The following BSN variants were observed in gnomAD, a reference collection of about 807,000 sequenced individuals.
BSN encodes bassoon presynaptic cytomatrix protein.
A neutral mutation model predicts 264.8 loss-of-function variants in BSN; 57 were observed. The ratio of observed to expected loss-of-function variants is 0.22; its 90% CI spans 0.17 to 0.27. The LOEUF (loss-of-function observed/expected upper bound fraction) is 0.27, where lower values mean the gene tolerates loss of function less well. Among genes scored for constraint, BSN ranks in the 10% least tolerant of loss-of-function variants. The probability of loss-of-function intolerance (pLI) is 1.00; values close to 1 mark genes in which losing one functional copy is unlikely to be tolerated. For missense variants in BSN, 4,615 were observed against 5,232.5 expected, an observed-to-expected ratio of 0.88 and a Z score of 3.64; for synonymous variants, 2,059 against 2,137.3, an observed-to-expected ratio of 0.96 and a Z score of 1.01.
Position 49,642,251 on chromosome 3 carries a change from T to G in BSN, c.634-17T>G. On this transcript the variant is annotated splice_polypyrimidine_tract_variant and intron_variant, in intron 2 of 11. Coordinates refer to ENST00000296452, the MANE Select transcript of BSN (RefSeq NM_003458.4). This position sits in a 1 kb window ranked among gnomAD's most constrained non-coding sequence, Gnocchi z 7.0. ...CAATCCTGGCCACCCTGCTGACTAT[T>G]TTGCTTTTCTCCTCAGGTGAAGGAG... 1.3e-6 allele frequency: 2 copies of G among 1,506,018 alleles called. No individual in the cohort carries two copies. The highest frequency in any genetic ancestry group is 1.8e-6 in the Non-Finnish European group (2 of 1,126,778). 93.3% of individuals were successfully genotyped at this position (1,506,018 alleles called of 1,614,324 possible). A position where few individuals can be genotyped will look rare whatever the true frequency, so the allele number is the denominator to read the frequency against.
In BSN at chr3:49,660,596, G is replaced by A; in HGVS notation, c.8751G>A (p.Leu2917=). ...TGGCTGGCCAGGCCTCCCCACAGCT[G>A]TATGCAGCCAGCCTGCTGCAGCGAG... ...LPLAGQASPQ[L]YAASLLQRGL... The change falls in exon 6 of 12, where the codon CTG becomes CTA. Residue 2917 remains leucine (L), a synonymous_variant. Transcript: ENST00000296452. This position sits in a 1 kb window ranked among gnomAD's most constrained non-coding sequence, Gnocchi z 7.1. 6.2e-7 allele frequency: 1 copy of A among 1,612,602 alleles called. No homozygotes were observed. Among genetic ancestry groups the A allele is most frequent in the Non-Finnish European group, 8.5e-7 (1 of 1,179,648 alleles).
At chr3:49,664,303 C>T in intron 8 of BSN, 120 bp from the exon 9 acceptor site, 1 of 1,329,218 alleles carries the variant, frequency 7.5e-7, no homozygotes, top group South Asian at 1.3e-5. Flanking sequence ...CCCTAGCCTC[C>T]TTCTCACCTT....
intron 1 of BSN, among the ~76,000 whole-genome samples, chr3:49,618,533 C>T (rs969511909): frequency 1.3e-5 from 2 of 152,226 alleles, no homozygotes; most frequent in Non-Finnish European, 2.9e-5. Flanking sequence ...TAGCTTTTAG[C>T]TTCCCAATTA....
At chr3:49,615,303 G>A (rs182493410) in intron 1 of BSN, among the ~76,000 whole-genome samples, 83 of 152,306 alleles carry the variant, frequency 5.4e-4, no homozygotes, top group African/African-American at 1.7e-3. Flanking sequence ...CTGCTCAGGG[G>A]TGTTGAGTGC....
At chr3:49,579,679 C>T (rs1222058464) in intron 1 of BSN, among the ~76,000 whole-genome samples, 2 of 151,984 alleles carry the variant, frequency 1.3e-5, no homozygotes, top group African/African-American at 4.8e-5. Context: ...CCTCGGCCTC[C>T]CAAGGTGCTG....
rs903559485 is a variant in BSN at position 49,650,500 on chromosome 3, T to C, written c.1519-112T>C. ...TTTTCTCCTTATGTCTTTGGTGTTA[T>C]GCTTTGAAAGTTCTCTCCTCCCTAA... On this transcript the variant is annotated intron_variant, in intron 3 of 11. Coordinates refer to ENST00000296452, the MANE Select transcript of BSN (RefSeq NM_003458.4). 43 of 1,031,852 alleles carry C rather than the reference T, an allele frequency of 4.2e-5. 1 individual carries two copies. The African/African-American group carries it at 5.8e-4, about 14-fold the overall frequency. The allele number at this position is 1,031,852 out of a possible 1,614,324, so 63.9% of individuals were successfully genotyped here. A position where few individuals can be genotyped will look rare whatever the true frequency, so the allele number is the denominator to read the frequency against.
At chr3:49,599,237 C>T (rs1401547986) in intron 1 of BSN, among the ~76,000 whole-genome samples, 1 of 152,178 alleles carries the variant, frequency 6.6e-6, no homozygotes. Context: ...TTCAAATCTG[C>T]CTTACATCCT....
In BSN at chr3:49,617,283, T is replaced by TTATATATATATATA. The variant is rs6147817; in HGVS notation, c.225-7669_225-7656dup. On this transcript the variant is annotated intron_variant, in intron 1 of 11. Transcript: ENST00000296452. ...AAAGTAAAATAAAAAATAAAATACA[T>TTATATATATATATA]TATATATATATATATATATATATAT... Among the ~76,000 whole-genome samples the TTATATATATATATA allele has an allele frequency of 2.5e-3, 310 of 121,866 alleles. 1 individual carries two copies. Among genetic ancestry groups the TTATATATATATATA allele is most frequent in the Middle Eastern group, 5.0e-3 (1 of 202 alleles). The allele number at this position is 121,866 out of a possible 152,430, so 79.9% of individuals were successfully genotyped here. A position where few individuals can be genotyped will look rare whatever the true frequency, so the allele number is the denominator to read the frequency against.
Position 49,653,726 on chromosome 3 carries a change from A to G in BSN, c.4170A>G (p.Pro1390=). 1 of 1,613,826 alleles carries G rather than the reference A, an allele frequency of 6.2e-7. No individual in the cohort carries two copies. Among genetic ancestry groups the G allele is most frequent in the Non-Finnish European group, 8.5e-7 (1 of 1,179,932 alleles). Residue 1390 remains proline, a synonymous_variant, in exon 5 of 12, where the codon CCA becomes CCG. Transcript: ENST00000296452. This position sits in a 1 kb window ranked among gnomAD's most constrained non-coding sequence, Gnocchi z 6.3. ...CCACCACAGCTGTGGCTCCTTGTCC[A>G]GCTGGGCTGCCACGAGGATATATGA... ...TPATTAVAPC[P]AGLPRGYMTP...
chr3:49,595,747 C>T (rs2052018073), intron 1 of BSN, among the ~76,000 whole-genome samples: 1 of 152,152 alleles, frequency 6.6e-6, no homozygotes, highest in Non-Finnish European at 1.5e-5. Flanking sequence ...TCTTCACCTT[C>T]ATTGTTTGTA....
chr3:49,633,958 G>A (rs1462009783), intron 2 of BSN, among the ~76,000 whole-genome samples: 1 of 152,038 alleles, frequency 6.6e-6, no homozygotes, highest in Non-Finnish European at 1.5e-5. Flanking sequence ...TGTAATCCCA[G>A]CACTTTGGGA....
intron 1 of BSN, among the ~76,000 whole-genome samples, chr3:49,570,361 A>T (rs2051785893): frequency 6.6e-6 from 1 of 152,174 alleles, no homozygotes; most frequent in African/African-American, 2.4e-5. Flanking sequence ...CCGGTTTGCC[A>T]CTTTGCCTGC....
rs1017968623 is a variant in BSN at position 49,667,637 on chromosome 3, C to T, written c.*152C>T. 3 of 152,682 alleles carry T rather than the reference C, an allele frequency of 2.0e-5. No homozygotes were observed. Among genetic ancestry groups the T allele is most frequent in the Non-Finnish European group, 2.9e-5 (2 of 68,050 alleles). The allele number at this position is 152,682 out of a possible 1,614,324, so 9.5% of individuals were successfully genotyped here. Reference sequence around the variant, plus strand: ...TGGCCCAAAGACTCACCAGGTGGGACGTGGCAGGCAGGCCTCAGTTGAGGA... The same window carrying T: ...TGGCCCAAAGACTCACCAGGTGGGATGTGGCAGGCAGGCCTCAGTTGAGGA... On this transcript the variant is annotated 3_prime_UTR_variant, in exon 12 of 12. Transcript: ENST00000296452.
At chr3:49,616,007 C>A (rs566870561) in intron 1 of BSN, among the ~76,000 whole-genome samples, 1 of 152,282 alleles carries the variant, frequency 6.6e-6, no homozygotes, top group Non-Finnish European at 1.5e-5. Flanking sequence ...TCTATCTCAT[C>A]TTTTAAAACT....
intron 5 of BSN, among the ~76,000 whole-genome samples, chr3:49,659,450 T>C (rs1164584390): frequency 6.6e-6 from 1 of 152,204 alleles, no homozygotes. Context: ...GGGCACACTA[T>C]AATTTTTATT....
rs1449304460 is a variant in BSN, at chr3:49,654,805, T to C, written c.5249T>C (p.Val1750Ala). 2.5e-6 allele frequency: 4 copies of C among 1,613,338 alleles called. No individual in the cohort carries two copies. In the African/African-American group the frequency reaches 5.3e-5, roughly 22 times the overall value. ...VFMAQQKQPVVYGDPYQSRLD... is the reference protein window; with the variant it reads ...VFMAQQKQPVAYGDPYQSRLD... ...ATGGCTCAACAAAAGCAGCCTGTGG[T>C]CTATGGAGACCCCTACCAGAGCCGC... The change falls in exon 5 of 12, where the codon GTC becomes GCC. Residue 1750 changes from valine (V) to alanine (A), a missense_variant. This residue lies in a region of BSN where 3,415 missense variants were observed against 3,866.4 expected (regional missense o/e 0.88). Transcript: ENST00000296452. The surrounding 1 kb of genome is among the most constrained non-coding windows in gnomAD (Gnocchi z 4.1).
intron 1 of BSN, among the ~76,000 whole-genome samples, chr3:49,575,389 T>C (rs1053886941): frequency 1.3e-5 from 2 of 148,488 alleles, no homozygotes; most frequent in Non-Finnish European, 3.0e-5. Context: ...TATGTAAATA[T>C]ATATGTGTGT....
intron 1 of BSN, among the ~76,000 whole-genome samples, chr3:49,580,741 T>C (rs1438846857): frequency 6.6e-6 from 1 of 152,240 alleles, no homozygotes; most frequent in East Asian, 1.9e-4. Flanking sequence ...TTTACAGGCA[T>C]GAGCCACTGT....
Position 49,625,966 on chromosome 3 carries a change from T to C in BSN, c.633+583T>C, listed in dbSNP as rs1264844796. 1.3e-5 allele frequency among the ~76,000 whole-genome samples: 2 copies of C among 152,154 alleles called. No homozygotes were observed. Among genetic ancestry groups the C allele is most frequent in the Non-Finnish European group, 2.9e-5 (2 of 68,014 alleles). ...CTACCCCATCCCTAAAGAAATGACCTTGGGGTAAAGAACCAGGCTGGGAAC... is the reference window on the plus strand; with the variant it reads ...CTACCCCATCCCTAAAGAAATGACCCTGGGGTAAAGAACCAGGCTGGGAAC... On this transcript the variant is annotated intron_variant, in intron 2 of 11. Transcript: ENST00000296452. The surrounding 1 kb of genome is among the most constrained non-coding windows in gnomAD (Gnocchi z 4.4).
Sources: allele counts gnomAD v4.1 joint callset (sites outside exome capture counted in the v4.1 genomes callset), GRCh38; gene constraint gnomAD v4.1.1; regional missense constraint gnomAD v4.1.1; non-coding constraint Gnocchi (gnomAD v3.1); transcripts MANE v1.5; gene names NCBI Gene and HGNC (gene_info 2026-07-23, HGNC 2026-07-21).